Variants in MTF2 observed in about 807,000 individuals in gnomAD.
MTF2 encodes metal response element binding transcription factor 2, also known as metal-response element-binding transcription factor 2.
In MTF2, 11 loss-of-function variants were observed where a neutral mutation model predicts 79.5. The ratio of observed to expected loss-of-function variants is 0.14; its 90% CI spans 0.09 to 0.23. The LOEUF is 0.23. MTF2 is among the 10% of genes least tolerant of loss of function. The probability of loss-of-function intolerance (pLI) is 1.00; values close to 1 mark genes in which losing one functional copy is unlikely to be tolerated. For synonymous variants in MTF2, 208 were observed against 232.8 expected (o/e 0.89, Z 0.97); for missense variants, 486 against 711.2 (o/e 0.68, Z 3.60).
intron 1 of MTF2, among the ~76,000 whole-genome samples, chr1:93,088,934 T>G (rs1654962716): frequency 6.6e-6 from 1 of 152,218 alleles, no homozygotes; most frequent in South Asian, 2.1e-4. Context: ...AAAGTTTTTT[T>G]GTGATCACAA....
chr1:93,086,275 G>A (rs541339847), intron 1 of MTF2, among the ~76,000 whole-genome samples: 81 of 152,218 alleles, frequency 5.3e-4, no homozygotes, highest in Non-Finnish European at 1.0e-3. Context: ...AGGCTGAGGC[G>A]GGCGGATCGC....
Position 93,115,034 on chromosome 1 carries a change from T to G in MTF2, c.429T>G (p.Ile143Met). 1 of 1,611,692 alleles carries G rather than the reference T, an allele frequency of 6.2e-7. No homozygotes were observed. Among genetic ancestry groups the G allele is most frequent in the Non-Finnish European group, 8.5e-7 (1 of 1,178,162 alleles). The change falls in exon 5 of 15, where the codon ATT becomes ATG. Residue 143 changes from isoleucine to methionine, a missense_variant. Ile to Met is a conservative substitution (Grantham distance 10, BLOSUM62 1). Around this residue, in one of 4 missense-constraint regions of MTF2, gnomAD observed 177 missense variants for 364.0 expected, o/e 0.49. Coordinates refer to ENST00000370298, the MANE Select transcript of MTF2 (RefSeq NM_007358.4). ...CACCTCATATTGATTCCAGTGTGAT[T>G]GATTCAGATGAAAAATGGCTCTGTC... is the stretch of plus-strand genomic sequence containing the variant. ...CHTPHIDSSV[I>M]DSDEKWLCRQ...
intron 1 of MTF2, among the ~76,000 whole-genome samples, chr1:93,081,504 T>C (rs1375495186): frequency 6.6e-6 from 1 of 152,198 alleles, no homozygotes; most frequent in Non-Finnish European, 1.5e-5. Context: ...TTAACTGCTG[T>C]TTTAGTTAGT....
At chr1:93,120,341 C>T in intron 8 of MTF2, 2 of 268,056 alleles carry the variant, frequency 7.5e-6, no homozygotes, top group Non-Finnish European at 1.4e-5. Context: ...CATATATCTT[C>T]TAGTTTATAG....
At chr1:93,095,574 C>G (rs543902670) in intron 1 of MTF2, among the ~76,000 whole-genome samples, 1 of 151,600 alleles carries the variant, frequency 6.6e-6, no homozygotes, top group Admixed American at 6.6e-5. Flanking sequence ...CTCCTGACCT[C>G]AGTGATCCGC....
chr1:93,123,769 C>T (rs971086627), intron 9 of MTF2, among the ~76,000 whole-genome samples: 1 of 148,530 alleles, frequency 6.7e-6, no homozygotes, highest in Non-Finnish European at 1.5e-5. Context: ...TGTCCCCCCC[C>T]CCTTTTTTTA....
At chr1:93,104,310 T>G (rs546020998) in intron 1 of MTF2, among the ~76,000 whole-genome samples, 2 of 152,136 alleles carry the variant, frequency 1.3e-5, no homozygotes, top group Non-Finnish European at 2.9e-5. Context: ...TGATGTGTAT[T>G]TGTCTTAAAT....
intron 1 of MTF2, among the ~76,000 whole-genome samples, chr1:93,102,223 T>C (rs1021664070): frequency 6.6e-6 from 1 of 152,212 alleles, no homozygotes; most frequent in Non-Finnish European, 1.5e-5. Flanking sequence ...TATAAGATGC[T>C]CTTGAAAATT....
intron 9 of MTF2, among the ~76,000 whole-genome samples, chr1:93,124,769 T>G (rs983474354): frequency 2.0e-5 from 3 of 151,752 alleles, no homozygotes; most frequent in African/African-American, 7.3e-5. Context: ...TATTGGTAGT[T>G]GAAAGGAAGA....
chr1:93,091,749 T>C (rs1205482838), intron 1 of MTF2, among the ~76,000 whole-genome samples: 1 of 152,240 alleles, frequency 6.6e-6, no homozygotes, highest in Non-Finnish European at 1.5e-5. Context: ...AATTAAATAC[T>C]GAATACATTG....
chr1:93,114,762 A>G lies in MTF2; in HGVS notation c.361A>G (p.Ile121Val), dbSNP rs2101064239. The change falls in exon 4 of 15, where the codon ATA becomes GTA. Residue 121 changes from isoleucine (I) to valine (V), a missense_variant. Transcript: ENST00000370298. Reference protein sequence around the residue: ...EYSEAPNEMVICDKCGQGYHQ... With the variant: ...EYSEAPNEMVVCDKCGQGYHQ... The stretch of plus-strand genomic sequence containing the variant: ...TTCAGAAGCTCCCAATGAAATGGTT[A>G]TATGTGACAAGTGTGGCCAAGGTAA... 1 of 1,611,914 alleles carries G rather than the reference A, an allele frequency of 6.2e-7. No individual in the cohort carries two copies. The highest frequency in any genetic ancestry group is 8.5e-7 in the Non-Finnish European group (1 of 1,178,888).
In MTF2 at chr1:93,110,587, A is replaced by T; in HGVS notation, c.247A>T (p.Ser83Cys). The change falls in exon 3 of 15, where the codon AGT becomes TGT. Residue 83 changes from serine (S) to cysteine (C), a missense_variant. Ser to Cys is a moderately radical substitution (Grantham distance 112). Around this residue, in one of 4 missense-constraint regions of MTF2, gnomAD observed 177 missense variants for 364.0 expected, o/e 0.49. Coordinates refer to ENST00000370298, the MANE Select transcript of MTF2 (RefSeq NM_007358.4). ...KQSCFIIFED[S>C]SKSWVLWKDI... ...GAGCTGCTTCATCATATTTGAAGAC[A>T]GTTCTAAATCCTGGGTTCTCTGGAA... 1 of 1,613,812 alleles carries T rather than the reference A, an allele frequency of 6.2e-7. No homozygotes were observed. The highest frequency in any genetic ancestry group is 8.5e-7 in the Non-Finnish European group (1 of 1,179,760).
intron 1 of MTF2, among the ~76,000 whole-genome samples, chr1:93,098,882 G>C (rs754090100): frequency 1.3e-5 from 2 of 152,142 alleles, no homozygotes; most frequent in Admixed American, 1.3e-4. Flanking sequence ...TTGCCCAGTT[G>C]TAAAACTAGG....
chr1:93,134,817 G>A (rs1360885089), intron 14 of MTF2, among the ~76,000 whole-genome samples: 3 of 138,226 alleles, frequency 2.2e-5, no homozygotes, highest in Admixed American at 1.5e-4. Context: ...AGCCACTACA[G>A]CTGGCCAAGA....
chr1:93,134,012 G>C, intron 13 of MTF2, 32 bp downstream of exon 13: 1 of 1,558,584 alleles, frequency 6.4e-7, no homozygotes, highest in Non-Finnish European at 8.8e-7. Flanking sequence ...CCCTTTCTAG[G>C]TTTTGTCTTT....
chr1:93,083,503 A>G (rs1654702259), intron 1 of MTF2, among the ~76,000 whole-genome samples: 1 of 152,150 alleles, frequency 6.6e-6, no homozygotes, highest in African/African-American at 2.4e-5. Flanking sequence ...CATTTTGACT[A>G]TTGTAAGTAA....
rs773716386 is a variant in MTF2 at position 93,100,964 on chromosome 1, A to G, written c.6-9266A>G. ...GGTTATATTATATCCTTCACATGCT[A>G]TTAACCCACATATTTACTACTTTTC... On this transcript the variant is annotated intron_variant, in intron 1 of 14. Transcript: ENST00000370298. Among the ~76,000 whole-genome samples, 146 of 152,336 alleles carry G rather than the reference A, an allele frequency of 9.6e-4. 1 individual carries two copies. The Middle Eastern group carries it at 0.01, about 11-fold the overall frequency.
chr1:93,079,295 A>C lies in MTF2; in HGVS notation c.-232A>C, dbSNP rs976480113. 6 of 547,126 alleles carry C rather than the reference A, an allele frequency of 1.1e-5. No individual in the cohort carries two copies. The Admixed American group carries it at 1.6e-4, about 15-fold the overall frequency. The allele number at this position is 547,126 out of a possible 1,614,324, so 33.9% of individuals were successfully genotyped here. On this transcript the variant is annotated 5_prime_UTR_variant, in exon 1 of 15. Transcript: ENST00000370298. Reference sequence around the variant, plus strand: ...AGAATGCACCGGCAGTCCGCGGGAAACCAAAATGGCGAGGGGCTGTATTGA... The same window carrying C: ...AGAATGCACCGGCAGTCCGCGGGAACCCAAAATGGCGAGGGGCTGTATTGA...
rs1039525707 is a variant in MTF2, at chr1:93,134,117, C to T, written c.1346C>T (p.Ser449Phe). The T allele has an allele frequency of 6.2e-7, 1 of 1,613,020 alleles. No individual in the cohort carries two copies. Among genetic ancestry groups the T allele is most frequent in the African/African-American group, 1.3e-5 (1 of 74,892 alleles). ...IGRTEGTAHS[S>F]NTSDVDFTGA... ...AGAACTGAGGGAACTGCACATTCAT[C>T]CAATACCTCAGATGTGGATTTCACG... Residue 449 changes from serine (S) to phenylalanine (F), a missense_variant, in exon 14 of 15, where the codon TCC (serine) becomes TTC (phenylalanine). Physicochemically the swap from Ser to Phe is radical, Grantham distance 155. Transcript: ENST00000370298.
Sources: allele counts gnomAD v4.1 joint callset (sites outside exome capture counted in the v4.1 genomes callset), GRCh38; gene constraint gnomAD v4.1.1; regional missense constraint gnomAD v4.1.1; transcripts MANE v1.5; gene names NCBI Gene and HGNC (gene_info 2026-07-23, HGNC 2026-07-21).